Variants in CLEC6A observed in about 807,000 individuals in gnomAD.
CLEC6A encodes the protein C-type lectin domain containing 6A.
In CLEC6A, 22 loss-of-function variants were observed where a neutral mutation model predicts 25.7. The ratio of observed to expected loss-of-function variants is 0.85; its 90% CI spans 0.61 to 1.22. The LOEUF is 1.22. CLEC6A is among the 50% of genes most tolerant of loss of function. CLEC6A has a pLI of 0.00. For synonymous variants in CLEC6A, 92 were observed against 76.7 expected (o/e 1.20, Z -1.04); for missense variants, 240 against 236.8 (o/e 1.01, Z -0.09).
rs2136360741 is a variant in CLEC6A at position 8,465,525 on chromosome 12, A to G, written c.265A>G (p.Ser89Gly). 6.2e-7 allele frequency: 1 copy of G among 1,614,054 alleles called. No homozygotes were observed. Among genetic ancestry groups the G allele is most frequent in the African/African-American group, 1.3e-5 (1 of 75,032 alleles). Reference sequence around the variant, plus strand: ...AGCTTCTTGGAAGTCATTTGGTTCCAGTTGCTACTTCATTTCCAGTGAAGA... The same window carrying G: ...AGCTTCTTGGAAGTCATTTGGTTCCGGTTGCTACTTCATTTCCAGTGAAGA... ...CPASWKSFGS[S>G]CYFISSEEKV... The change falls in exon 4 of 6, where the codon AGT (serine) becomes GGT (glycine). Residue 89 changes from serine to glycine, a missense_variant. Physicochemically the swap from Ser to Gly is moderately conservative, Grantham distance 56 (BLOSUM62 0). Transcript: ENST00000382073.
intron 3 of CLEC6A, among the ~76,000 whole-genome samples, chr12:8,461,915 C>T (rs1269195720): frequency 6.6e-6 from 1 of 152,120 alleles, no homozygotes; most frequent in Non-Finnish European, 1.5e-5. Context: ...TATATGCCCT[C>T]CAATACAGTT....
intron 4 of CLEC6A, among the ~76,000 whole-genome samples, chr12:8,470,114 G>C (rs745612696): frequency 6.6e-6 from 1 of 152,190 alleles, no homozygotes; most frequent in Non-Finnish European, 1.5e-5. Flanking sequence ...CCATCAAAAA[G>C]TGGGCTAAGG....
chr12:8,465,411 A>G, intron 3 of CLEC6A, 73 bp from the exon 4 acceptor site: 1 of 1,423,026 alleles, frequency 7.0e-7, no homozygotes. Flanking sequence ...GTCTCTACAA[A>G]GCAATTGCAG....
intron 4 of CLEC6A, among the ~76,000 whole-genome samples, chr12:8,475,495 A>G (rs1214292694): frequency 6.6e-6 from 1 of 152,068 alleles, no homozygotes; most frequent in Admixed American, 6.6e-5. Context: ...CTGGTGGTGT[A>G]GGTCCAGTTT....
intron 3 of CLEC6A, chr12:8,461,147 G>C (rs1393735203): frequency 2.0e-6 from 3 of 1,492,406 alleles, no homozygotes; most frequent in Non-Finnish European, 2.8e-6. Context: ...CTTGGAAAGG[G>C]CCATAAGTTC....
chr12:8,465,399 C>CT, intron 3 of CLEC6A, 85 bp from the exon 4 acceptor site: 1 of 1,301,792 alleles, frequency 7.7e-7, no homozygotes, highest in Non-Finnish European at 1.1e-6. Flanking sequence ...AATTAAGAAA[C>CT]TGTCTCTACA....
At chr12:8,470,320 T>C (rs1244684428) in intron 4 of CLEC6A, among the ~76,000 whole-genome samples, 1 of 152,054 alleles carries the variant, frequency 6.6e-6, no homozygotes, top group Non-Finnish European at 1.5e-5. Flanking sequence ...AAGGGAATAC[T>C]TTTACTGTTG....
intron 4 of CLEC6A, among the ~76,000 whole-genome samples, chr12:8,466,539 C>T (rs975111629): frequency 2.6e-5 from 4 of 152,156 alleles, no homozygotes; most frequent in African/African-American, 9.7e-5. Context: ...TTCTGGTCAA[C>T]ACTTGTTATT....
intron 3 of CLEC6A, among the ~76,000 whole-genome samples, chr12:8,464,408 T>C (rs771495259): frequency 1.4e-4 from 21 of 151,924 alleles, no homozygotes; most frequent in Admixed American, 1.2e-3. Flanking sequence ...CGGCTCACTG[T>C]AAGCTCCGCC....
At chr12:8,474,023 T>C (rs1384134027) in intron 4 of CLEC6A, among the ~76,000 whole-genome samples, 1 of 152,098 alleles carries the variant, frequency 6.6e-6, no homozygotes, top group African/African-American at 2.4e-5. Flanking sequence ...ATTTTGTAGG[T>C]TGCCTGTTTG....
intron 5 of CLEC6A, among the ~76,000 whole-genome samples, chr12:8,476,633 A>G (rs1026149312): frequency 7.2e-5 from 11 of 152,248 alleles, no homozygotes; most frequent in Admixed American, 7.2e-4. Context: ...TAGAAAAATT[A>G]CATAATAATA....
chr12:8,475,996 C>A, intron 4 of CLEC6A, 129 bp from the exon 5 acceptor site: 2 of 556,366 alleles, frequency 3.6e-6, no homozygotes, highest in Middle Eastern at 8.8e-4. Context: ...GGTCAGAAGG[C>A]CATCATGTGA....
intron 4 of CLEC6A, among the ~76,000 whole-genome samples, chr12:8,472,733 A>C (rs1461432989): frequency 6.6e-6 from 1 of 152,158 alleles, no homozygotes; most frequent in African/African-American, 2.4e-5. Context: ...CATCAGTGGA[A>C]CATGTACTTT....
At chr12:8,471,081 A>G (rs1478911685) in intron 4 of CLEC6A, among the ~76,000 whole-genome samples, 1 of 151,996 alleles carries the variant, frequency 6.6e-6, no homozygotes, top group East Asian at 1.9e-4. Context: ...AATTTTCATA[A>G]TGTGGTTTAT....
chr12:8,475,244 C>T (rs1939957607), intron 4 of CLEC6A, among the ~76,000 whole-genome samples: 1 of 151,778 alleles, frequency 6.6e-6, no homozygotes, highest in Non-Finnish European at 1.5e-5. Context: ...TTTTAAGAAC[C>T]CCAATGCAAT....
chr12:8,475,253 A>G (rs1307485308), intron 4 of CLEC6A, among the ~76,000 whole-genome samples: 1 of 151,972 alleles, frequency 6.6e-6, no homozygotes, highest in African/African-American at 2.4e-5. Context: ...CCCCAATGCA[A>G]TTTCACTGAA....
chr12:8,457,273 C>A (rs1591704795), intron 1 of CLEC6A, among the ~76,000 whole-genome samples: 2 of 152,164 alleles, frequency 1.3e-5, no homozygotes, highest in South Asian at 2.1e-4. Flanking sequence ...TATTCACTAC[C>A]TCCATGAGAT....
chr12:8,461,479 T>C (rs1449109878), intron 3 of CLEC6A, among the ~76,000 whole-genome samples: 1 of 152,206 alleles, frequency 6.6e-6, no homozygotes, highest in Non-Finnish European at 1.5e-5. Flanking sequence ...ATTAACTCCA[T>C]ATCCATCTGG....
At chr12:8,476,434 TA>T (rs1939975209) in intron 5 of CLEC6A, among the ~76,000 whole-genome samples, 194 bp downstream of exon 5, 1 of 152,116 alleles carries the variant, frequency 6.6e-6, no homozygotes, top group Non-Finnish European at 1.5e-5. Context: ...GATAAAAAAT[TA>T]AATAACTTGC....
Sources: allele counts gnomAD v4.1 joint callset (sites outside exome capture counted in the v4.1 genomes callset), GRCh38; gene constraint gnomAD v4.1.1; transcripts MANE v1.5; gene names NCBI Gene and HGNC (gene_info 2026-07-23, HGNC 2026-07-21).